Variants in UBA6 observed in about 807,000 individuals in gnomAD.
UBA6 encodes ubiquitin-like modifier-activating enzyme 6.
A neutral mutation model predicts 148.3 loss-of-function variants in UBA6; 87 were observed. The observed-to-expected ratio is 0.59, with a 90% CI of 0.49 to 0.70. The LOEUF (loss-of-function observed/expected upper bound fraction) is 0.70, where lower values mean the gene tolerates loss of function less well. UBA6 is among the 30% of genes least tolerant of loss of function. UBA6 has a pLI of 0.00. For synonymous variants in UBA6, 376 were observed against 401.0 expected (o/e 0.94, Z 0.75); for missense variants, 1,186 against 1,241.2 (o/e 0.96, Z 0.67).
intron 32 of UBA6, among the ~76,000 whole-genome samples, chr4:67,621,580 A>G (rs114299213): frequency 0.012 from 1,826 of 152,218 alleles, 39 homozygotes; most frequent in African/African-American, 0.04. Context: ...AGGCGGGAGA[A>G]ATCACCTTAG....
intron 8 of UBA6, among the ~76,000 whole-genome samples, chr4:67,669,870 C>T (rs1049883031): frequency 3.3e-5 from 5 of 152,074 alleles, no homozygotes; most frequent in African/African-American, 1.2e-4. Context: ...AATTCATGAC[C>T]CACAGGAGAT....
At position 67,630,406 on chromosome 4, in the gene UBA6, T is replaced by C. The variant is rs779768934; in HGVS notation, c.2328+60A>G. 1.4e-5 allele frequency: 14 copies of C among 1,013,010 alleles called. No individual in the cohort carries two copies. In the South Asian group the frequency reaches 2.1e-4, roughly 15 times the overall value. 62.8% of individuals were successfully genotyped at this position (1,013,010 alleles called of 1,614,324 possible). ...AACATGTTTTGATGCAATTAGTGCA[T>C]CAGTCATCTAATTCTAATTTGGTTT... is the stretch of plus-strand genomic sequence containing the variant. On this transcript the variant is annotated intron_variant, in intron 26 of 32. Coordinates refer to ENST00000322244, the MANE Select transcript of UBA6 (RefSeq NM_018227.6).
intron 6 of UBA6, among the ~76,000 whole-genome samples, chr4:67,674,305 T>C (rs566933732): frequency 1.6e-4 from 24 of 152,302 alleles, no homozygotes; most frequent in African/African-American, 4.8e-4. Context: ...TCACAAGGTA[T>C]GCCATGAATG....
At chr4:67,696,098 T>C (rs1217021033) in intron 2 of UBA6, among the ~76,000 whole-genome samples, 1 of 152,166 alleles carries the variant, frequency 6.6e-6, no homozygotes, top group Non-Finnish European at 1.5e-5. Context: ...ATTTCTCCAC[T>C]GTCTATAAAT....
At chr4:67,665,431 G>GT (rs71269059) in intron 9 of UBA6, 139 bp from the exon 10 acceptor site, 14,823 of 342,118 alleles carry the variant, frequency 0.043, no homozygotes, top group South Asian at 0.068. Context: ...TTGTTTGTTT[G>GT]TTTTTTTTTT....
chr4:67,695,931 G>C (rs1242207772), intron 2 of UBA6, among the ~76,000 whole-genome samples: 1 of 152,066 alleles, frequency 6.6e-6, no homozygotes, highest in African/African-American at 2.4e-5. Context: ...TCATGAAAAA[G>C]TATAGTTTAA....
Position 67,634,259 on chromosome 4 carries a change from C to G in UBA6, c.1996G>C (p.Ala666Pro), listed in dbSNP as rs750953536. Residue 666 changes from alanine to proline, a missense_variant, in exon 22 of 33, where the codon GCA becomes CCA. Transcript: ENST00000322244. ...ATTTTTACCTGTAAGACTTCTTCTG[C>G]AGATGAATAGGTTTGCCAAAATTTG... ...FNKFWQTYSS[A>P]EEVLQKIQSG... The G allele has an allele frequency of 6.9e-6, 11 of 1,593,846 alleles. No individual in the cohort carries two copies. In the South Asian group the frequency reaches 1.3e-4, roughly 19 times the overall value.
At chr4:67,695,265 T>G (rs1192047573) in intron 2 of UBA6, among the ~76,000 whole-genome samples, 1 of 152,216 alleles carries the variant, frequency 6.6e-6, no homozygotes, top group African/African-American at 2.4e-5. Flanking sequence ...TTGCTTATTA[T>G]CTTCAAGCCA....
At chr4:67,677,517 C>A in intron 6 of UBA6, 94 bp downstream of exon 6, 1 of 567,208 alleles carries the variant, frequency 1.8e-6, no homozygotes, top group Non-Finnish European at 3.0e-6. Context: ...TTCTGTTTCT[C>A]AATACACTAG....
Position 67,634,507 on chromosome 4 carries a change from TG to T in UBA6, c.1853del (p.Pro618GlnfsTer10). The T allele has an allele frequency of 6.4e-7, 1 of 1,569,032 alleles. No homozygotes were observed. The highest frequency in any genetic ancestry group is 1.2e-5 in the South Asian group (1 of 81,438). The part of the protein sequence containing the change: ...TESYNSHRDP[P>X]EEEIPFCTLK... ...GAGTACAAAATGGTATTTCCTCTTC[TG>T]GGGGATCCCGCTAATTTATAAAATA... On this transcript the variant is annotated frameshift_variant, in exon 21 of 33. Coordinates refer to ENST00000322244, the MANE Select transcript of UBA6 (RefSeq NM_018227.6). LOFTEE classifies it high-confidence loss of function.
At chr4:67,668,718 ATTCT>A in intron 8 of UBA6, 44 bp from the exon 9 acceptor site, 1 of 1,543,474 alleles carries the variant, frequency 6.5e-7, no homozygotes, top group East Asian at 2.3e-5. Context: ...TCTTTTTTGT[ATTCT>A]TTGTGTACAA....
intron 3 of UBA6, 112 bp from the exon 4 acceptor site, chr4:67,681,703 T>C (rs1730444082): frequency 1.5e-6 from 1 of 682,480 alleles, no homozygotes; most frequent in African/African-American, 1.9e-5. Context: ...CTTTTTTTAC[T>C]ACTTAATACA....
At chr4:67,648,467 C>CA (rs575104020) in intron 14 of UBA6, among the ~76,000 whole-genome samples, 34,846 of 103,952 alleles carry the variant, frequency 0.34, 4,658 homozygotes, top group Middle Eastern at 0.42. Flanking sequence ...GACTCTGTCT[C>CA]AAAAAAAAAA....
chr4:67,682,840 T>C (rs1730474869), intron 2 of UBA6, among the ~76,000 whole-genome samples: 1 of 152,208 alleles, frequency 6.6e-6, no homozygotes, highest in African/African-American at 2.4e-5. Flanking sequence ...TAAATTCCAA[T>C]GAATTCTTAT....
chr4:67,660,172 G>T (rs184468012), intron 13 of UBA6, among the ~76,000 whole-genome samples: 148 of 152,336 alleles, frequency 9.7e-4, no homozygotes, highest in African/African-American at 3.4e-3. Context: ...TTTGCAGCCT[G>T]ATGATACAAT....
rs769649769 is a variant in UBA6 at position 67,694,215 on chromosome 4, C to CAAAAAAAAAAAAA, written c.134+2417_134+2429dup. Among the ~76,000 whole-genome samples the CAAAAAAAAAAAAA allele has an allele frequency of 3.6e-4, 15 of 41,852 alleles. 1 individual carries two copies. Among genetic ancestry groups the CAAAAAAAAAAAAA allele is most frequent in the Admixed American group, 4.8e-4 (1 of 2,062 alleles). 27.5% of individuals were successfully genotyped at this position (41,852 alleles called of 152,430 possible). Reference sequence around the variant, plus strand: ...TGGATGACAGAGCAAGACTCCATCTCAAAAAAAAAAAAAAAAAAAAAAAAA... The same window carrying CAAAAAAAAAAAAA: ...TGGATGACAGAGCAAGACTCCATCTCAAAAAAAAAAAAAAAAAAAAAAAAAAAAAAAAAAAAAA... On this transcript the variant is annotated intron_variant, in intron 2 of 32. Coordinates refer to ENST00000322244, the MANE Select transcript of UBA6 (RefSeq NM_018227.6).
At chr4:67,643,467 G>A (rs948703051) in intron 17 of UBA6, among the ~76,000 whole-genome samples, 2 of 151,840 alleles carry the variant, frequency 1.3e-5, no homozygotes, top group Non-Finnish European at 2.9e-5. Flanking sequence ...GTTATATTCC[G>A]TTCTCTGCTT....
intron 30 of UBA6, 57 bp from the exon 31 acceptor site, chr4:67,623,279 G>T: frequency 7.5e-7 from 1 of 1,327,166 alleles, no homozygotes; most frequent in South Asian, 1.2e-5. Flanking sequence ...TTTTAGTGAT[G>T]ACACACACAC....
At chr4:67,639,779 TAAC>T (rs1212561089) in intron 18 of UBA6, among the ~76,000 whole-genome samples, 9 of 152,248 alleles carry the variant, frequency 5.9e-5, no homozygotes, top group South Asian at 2.1e-4. Flanking sequence ...AAGAGATTAA[TAAC>T]AATAAAACAA....
Sources: gnomAD v4.1 joint callset for allele counts (sites outside exome capture counted in the v4.1 genomes callset) on GRCh38, gnomAD v4.1.1 for gene constraint, MANE v1.5 for transcripts, NCBI Gene and HGNC (gene_info 2026-07-23, HGNC 2026-07-21) for gene names.